RSRC2: variants seen among roughly 807,000 people sequenced by gnomAD.
RSRC2 encodes the protein arginine/serine-rich coiled-coil protein 2.
Under a neutral mutation model 61.3 loss-of-function variants are expected in RSRC2, and 5 were observed. The observed-to-expected ratio is 0.08, with a 90% CI of 0.04 to 0.17. RSRC2 has a LOEUF of 0.17. Among genes scored for constraint, RSRC2 ranks in the 10% least tolerant of loss-of-function variants. RSRC2 has a pLI of 1.00. For synonymous variants in RSRC2, 202 were observed against 166.5 expected (o/e 1.21, Z -1.64); for missense variants, 381 against 518.8 (o/e 0.73, Z 2.58).
Position 122,505,502 on chromosome 12 carries a change from C to G in RSRC2, c.*25G>C. 6.2e-7 allele frequency: 1 copy of G among 1,605,512 alleles called. No homozygotes were observed. The highest frequency in any genetic ancestry group is 8.5e-7 in the Non-Finnish European group (1 of 1,174,180). Reference sequence around the variant, plus strand: ...CATCAGAACAAGAAGTCTATAAGTCCCAAACTTTACAAGTGTGATCATTTT... The same window carrying G: ...CATCAGAACAAGAAGTCTATAAGTCGCAAACTTTACAAGTGTGATCATTTT... On this transcript the variant is annotated 3_prime_UTR_variant, in exon 10 of 10. Coordinates refer to ENST00000331738, the MANE Select transcript of RSRC2 (RefSeq NM_023012.6).
chr12:122,508,769 C>A (rs533024578), intron 7 of RSRC2, among the ~76,000 whole-genome samples: 62 of 151,922 alleles, frequency 4.1e-4, no homozygotes, highest in African/African-American at 1.4e-3. Context: ...CCAGCCTGAC[C>A]AACATGGAGA....
intron 3 of RSRC2, chr12:122,520,512 G>C (rs773932872): frequency 2.9e-6 from 4 of 1,363,934 alleles, no homozygotes. Flanking sequence ...ACCTTATCAT[G>C]AAGTAGGCTT....
intron 7 of RSRC2, among the ~76,000 whole-genome samples, chr12:122,509,163 C>T (rs552655768): frequency 6.6e-6 from 1 of 150,856 alleles, no homozygotes; most frequent in Admixed American, 6.6e-5. Flanking sequence ...CAGTATGCAG[C>T]TAAGGCTGGG....
Position 122,526,583 on chromosome 12 carries a change from G to A in RSRC2, c.6+265C>T, listed in dbSNP as rs536940801. Among the ~76,000 whole-genome samples, 42 of 152,112 alleles carry A rather than the reference G, an allele frequency of 2.8e-4. No individual in the cohort carries two copies. In the South Asian group the frequency reaches 8.7e-3, roughly 32 times the overall value. On this transcript the variant is annotated intron_variant, in intron 1 of 9. Coordinates refer to ENST00000331738, the MANE Select transcript of RSRC2 (RefSeq NM_023012.6). ...AATAAGCGAAAATGGAGGAAGTTCAGTGAGGCGAAAGGAACGTAGGGTTGG... is the reference window on the plus strand; with the variant it reads ...AATAAGCGAAAATGGAGGAAGTTCAATGAGGCGAAAGGAACGTAGGGTTGG...
intron 8 of RSRC2, among the ~76,000 whole-genome samples, chr12:122,507,430 G>C (rs1958184257): frequency 6.6e-6 from 1 of 151,704 alleles, no homozygotes; most frequent in African/African-American, 2.4e-5. Context: ...TCCTGTCATA[G>C]ACCTTTTTCA....
chr12:122,525,741 C>T (rs1960106691), intron 1 of RSRC2, among the ~76,000 whole-genome samples: 1 of 151,488 alleles, frequency 6.6e-6, no homozygotes, highest in African/African-American at 2.4e-5. Flanking sequence ...TATACACACG[C>T]AGGCTTATTG....
chr12:122,508,001 G>T, intron 8 of RSRC2: 1 of 595,486 alleles, frequency 1.7e-6, no homozygotes, highest in Non-Finnish European at 3.0e-6. Flanking sequence ...ACAGGGTTTT[G>T]CCATGTTGGC....
At position 122,504,036 on chromosome 12, in the gene RSRC2, C is replaced by T. The variant is rs556503335; in HGVS notation, c.*1491G>A. 6.6e-6 allele frequency: 1 copy of T among 152,120 alleles called. No individual in the cohort carries two copies. Among genetic ancestry groups the T allele is most frequent in the South Asian group, 2.1e-4 (1 of 4,816 alleles). 9.4% of individuals were successfully genotyped at this position (152,120 alleles called of 1,614,324 possible). A position where few individuals can be genotyped will look rare whatever the true frequency, so the allele number is the denominator to read the frequency against. ...GAGCCTGCTGCAATGCACTGCACTC[C>T]AGCCTAGGACAGAAAGCAAAAAAAA... On this transcript the variant is annotated 3_prime_UTR_variant, in exon 10 of 10. Coordinates refer to ENST00000331738, the MANE Select transcript of RSRC2 (RefSeq NM_023012.6).
intron 5 of RSRC2, among the ~76,000 whole-genome samples, chr12:122,516,407 T>C (rs763837767): frequency 6.6e-6 from 1 of 152,244 alleles, no homozygotes; most frequent in East Asian, 1.9e-4. Flanking sequence ...CTGAGGTAGT[T>C]TGTACAATAC....
At chr12:122,526,653 G>A (rs1565914873) in intron 1 of RSRC2, among the ~76,000 whole-genome samples, 195 bp downstream of exon 1, 1 of 151,978 alleles carries the variant, frequency 6.6e-6, no homozygotes, top group African/African-American at 2.4e-5. Flanking sequence ...CACTCCCTGC[G>A]GCTCCCCACC....
At position 122,504,289 on chromosome 12, in the gene RSRC2, C is replaced by G. The variant is rs1958002285; in HGVS notation, c.*1238G>C. On this transcript the variant is annotated 3_prime_UTR_variant, in exon 10 of 10. Transcript: ENST00000331738. Reference sequence around the variant, plus strand: ...GTAAATTAACTTCAAGTTTTGCAGGCCCCCCCCACCCCTTGGCTCCAGATT... The same window carrying G: ...GTAAATTAACTTCAAGTTTTGCAGGGCCCCCCCACCCCTTGGCTCCAGATT... 6.6e-6 allele frequency: 1 copy of G among 150,702 alleles called. No homozygotes were observed. Among genetic ancestry groups the G allele is most frequent in the Admixed American group, 6.6e-5 (1 of 15,158 alleles). 9.3% of individuals were successfully genotyped at this position (150,702 alleles called of 1,614,324 possible). A position where few individuals can be genotyped will look rare whatever the true frequency, so the allele number is the denominator to read the frequency against.
intron 3 of RSRC2, chr12:122,519,348 C>T (rs1030026141): frequency 9.6e-5 from 24 of 249,026 alleles, no homozygotes; most frequent in African/African-American, 2.7e-4. Context: ...AGAATACAGA[C>T]CATGTATATA....
At chr12:122,517,089 TTAGG>T (rs1472065679) in intron 5 of RSRC2, 134 bp downstream of exon 5, 20 of 1,231,178 alleles carry the variant, frequency 1.6e-5, no homozygotes, top group Non-Finnish European at 2.1e-5. Context: ...TCTTCATACG[TTAGG>T]TAATGACTAA....
chr12:122,517,106 T>C, intron 5 of RSRC2, 121 bp downstream of exon 5: 1 of 1,422,612 alleles, frequency 7.0e-7, no homozygotes. Flanking sequence ...ATGACTAAAA[T>C]AATTTTACCA....
intron 1 of RSRC2, 98 bp from the exon 2 acceptor site, chr12:122,522,397 C>T: frequency 8.8e-7 from 1 of 1,135,984 alleles, no homozygotes; most frequent in African/African-American, 1.6e-5. Flanking sequence ...TAGCCCCCCA[C>T]AATCAATAAA....
chr12:122,505,674 A>T lies in RSRC2; in HGVS notation c.1158T>A (p.Asp386Glu). The change falls in exon 10 of 10, where the codon GAT becomes GAA. Residue 386 changes from aspartate (D) to glutamate (E), a missense_variant. Around this residue, in one of 4 missense-constraint regions of RSRC2, gnomAD observed 78 missense variants for 183.0 expected, o/e 0.43. Transcript: ENST00000331738. Reference protein sequence around the residue: ...SEDEAGCSSVDEESYKTLKQQ... With the variant: ...SEDEAGCSSVEEESYKTLKQQ... ...GCTTCAGAGTCTTGTAACTTTCTTC[A>T]TCAACTGAGCTACATCCAGCTTCAT... 1 of 1,614,078 alleles carries T rather than the reference A, an allele frequency of 6.2e-7. No individual in the cohort carries two copies. The highest frequency in any genetic ancestry group is 1.1e-5 in the South Asian group (1 of 91,080).
Position 122,508,446 on chromosome 12 carries a change from A to T in RSRC2, c.807T>A (p.Ala269=). 6.2e-7 allele frequency: 1 copy of T among 1,611,154 alleles called. No homozygotes were observed. The change falls in exon 8 of 10, where the codon GCT becomes GCA. Residue 269 remains alanine, a splice_region_variant and synonymous_variant. Coordinates refer to ENST00000331738, the MANE Select transcript of RSRC2 (RefSeq NM_023012.6). ...TGAGAACAGAACCTCCAGTAGCTGCAGCTGCTTGAAGAGAATACAAAAATG... is the reference window on the plus strand; with the variant it reads ...TGAGAACAGAACCTCCAGTAGCTGCTGCTGCTTGAAGAGAATACAAAAATG... ...EKQKQQEIAA[A]AATGGSVLNV...
chr12:122,515,846 G>A (rs1958870893), intron 5 of RSRC2, among the ~76,000 whole-genome samples: 1 of 151,968 alleles, frequency 6.6e-6, no homozygotes, highest in African/African-American at 2.4e-5. Context: ...AAATTTAGCC[G>A]TGCGTGATGC....
At chr12:122,511,077 C>A (rs370778435) in intron 7 of RSRC2, 32 bp downstream of exon 7, 3 of 1,498,314 alleles carry the variant, frequency 2.0e-6, no homozygotes, top group African/African-American at 1.4e-5. Context: ...GAGCTCAAAT[C>A]GAGATGACTA....
Sources: gnomAD v4.1 joint callset for allele counts (sites outside exome capture counted in the v4.1 genomes callset) on GRCh38, gnomAD v4.1.1 for gene constraint, gnomAD v4.1.1 regional missense constraint, MANE v1.5 for transcripts, NCBI Gene and HGNC (gene_info 2026-07-23, HGNC 2026-07-21) for gene names.